Variants in RIMS2 observed in about 807,000 individuals in gnomAD.
RIMS2 encodes regulating synaptic membrane exocytosis 2, also known as regulating synaptic membrane exocytosis protein 2.
RIMS2 carries 59 observed loss-of-function variants against 174.4 expected under a neutral mutation model. That is an observed-to-expected ratio of 0.34 (90% CI 0.27 to 0.42). The LOEUF (loss-of-function observed/expected upper bound fraction) is 0.42. Ranked by LOEUF, RIMS2 falls within the 10% of genes least tolerant of loss-of-function variation. The pLI is 1.00. For missense variants in RIMS2, 1,620 were observed against 1,666.3 expected (o/e 0.97, Z 0.48); for synonymous variants, 606 against 572.5 (o/e 1.06, Z -0.84).
intron 1 of RIMS2, among the ~76,000 whole-genome samples, chr8:103,580,583 G>A (rs1439055080): frequency 1.3e-5 from 2 of 152,180 alleles, no homozygotes; most frequent in East Asian, 3.9e-4. Context: ...TCTAATGGGA[G>A]AGATAGACTG....
At chr8:103,537,968 C>T (rs1840622553) in intron 1 of RIMS2, among the ~76,000 whole-genome samples, 1 of 151,942 alleles carries the variant, frequency 6.6e-6, no homozygotes, top group African/African-American at 2.4e-5. Context: ...TCTGAATTTT[C>T]TGGCCAACAC....
intron 1 of RIMS2, among the ~76,000 whole-genome samples, chr8:103,511,416 A>G (rs980975309): frequency 1.5e-4 from 23 of 152,344 alleles, no homozygotes; most frequent in African/African-American, 5.5e-4. Context: ...GAATAAGTAA[A>G]TATTTGAATT....
At chr8:104,196,868 A>G (rs1057045564) in intron 19 of RIMS2, among the ~76,000 whole-genome samples, 1 of 152,208 alleles carries the variant, frequency 6.6e-6, no homozygotes, top group Non-Finnish European at 1.5e-5. Flanking sequence ...GCATACTTTA[A>G]AAAACATAAT....
At chr8:103,814,164 A>G (rs188981197) in intron 3 of RIMS2, among the ~76,000 whole-genome samples, 1 of 152,272 alleles carries the variant, frequency 6.6e-6, no homozygotes, top group African/African-American at 2.4e-5. Flanking sequence ...ACCAAATACT[A>G]TATGTTCTCA....
intron 3 of RIMS2, among the ~76,000 whole-genome samples, chr8:103,878,119 T>C (rs2099150077): frequency 1.3e-5 from 2 of 151,700 alleles, no homozygotes; most frequent in South Asian, 4.2e-4. Flanking sequence ...GTTTTATAAA[T>C]GGTAGTTTTT....
intron 2 of RIMS2, among the ~76,000 whole-genome samples, chr8:103,762,985 G>T (rs1446526142): frequency 6.6e-6 from 1 of 152,116 alleles, no homozygotes; most frequent in Non-Finnish European, 1.5e-5. Context: ...TCTATATATG[G>T]TCTTTTGTTG....
At chr8:104,165,375 T>C (rs1201517685) in intron 19 of RIMS2, among the ~76,000 whole-genome samples, 2 of 152,232 alleles carry the variant, frequency 1.3e-5, no homozygotes, top group Non-Finnish European at 2.9e-5. Flanking sequence ...TTTAAGTACA[T>C]TTATTATTCC....
chr8:104,199,259 T>G (rs1179300505), intron 19 of RIMS2, among the ~76,000 whole-genome samples: 1 of 151,668 alleles, frequency 6.6e-6, no homozygotes, highest in Non-Finnish European at 1.5e-5. Context: ...AGACGGGGTT[T>G]CACAGTGTTA....
chr8:103,750,581 T>C (rs991475736), intron 2 of RIMS2, among the ~76,000 whole-genome samples: 11 of 152,108 alleles, frequency 7.2e-5, no homozygotes, highest in Admixed American at 2.0e-4. Context: ...ATTTTAATAA[T>C]CCCCACGTGT....
At chr8:103,633,573 C>A (rs1039137157) in intron 1 of RIMS2, among the ~76,000 whole-genome samples, 23 of 152,192 alleles carry the variant, frequency 1.5e-4, no homozygotes, top group African/African-American at 5.1e-4. Flanking sequence ...AGGTGTCTTC[C>A]CCCCTCAGTT....
chr8:103,512,896 C>T (rs937807308), intron 1 of RIMS2, among the ~76,000 whole-genome samples: 1 of 152,100 alleles, frequency 6.6e-6, no homozygotes, highest in African/African-American at 2.4e-5. Flanking sequence ...AGACAATGAG[C>T]TTAGTCATTT....
intron 16 of RIMS2, among the ~76,000 whole-genome samples, chr8:103,980,567 G>C (rs2093812084): frequency 6.6e-6 from 1 of 152,156 alleles, no homozygotes; most frequent in South Asian, 2.1e-4. Flanking sequence ...AGGTGACTTT[G>C]TCTTGCACCT....
At chr8:103,934,469 T>A (rs1253889112) in intron 12 of RIMS2, among the ~76,000 whole-genome samples, 3 of 152,120 alleles carry the variant, frequency 2.0e-5, no homozygotes, top group Non-Finnish European at 4.4e-5. Flanking sequence ...TAAGGTTATT[T>A]TTCATAGTTC....
intron 3 of RIMS2, among the ~76,000 whole-genome samples, chr8:103,845,713 AC>A (rs1457441301): frequency 6.6e-6 from 1 of 152,114 alleles, no homozygotes; most frequent in Non-Finnish European, 1.5e-5. Flanking sequence ...CACTCTAGGA[AC>A]TTAGCTTATG....
chr8:104,203,109 A>G (rs1478869613), intron 19 of RIMS2, among the ~76,000 whole-genome samples: 3 of 152,224 alleles, frequency 2.0e-5, no homozygotes, highest in Non-Finnish European at 4.4e-5. Flanking sequence ...AGCCCCGCAA[A>G]TATAAAATGA....
In RIMS2 at chr8:103,529,044, T is replaced by G. The variant is rs187748981; in HGVS notation, c.176+27982T>G. On this transcript the variant is annotated intron_variant, in intron 1 of 23. Coordinates refer to ENST00000504942, the Ensembl canonical transcript of RIMS2. ...CATGAGCATGGAATGTTCTTCCATT[T>G]GTTTGTGTCTTCTTTTATTTCGTTG... Among the ~76,000 whole-genome samples, 139 of 152,314 alleles carry G rather than the reference T, an allele frequency of 9.1e-4. 1 individual carries two copies. Among genetic ancestry groups the G allele is most frequent in the African/African-American group, 3.0e-3 (125 of 41,570 alleles).
intron 15 of RIMS2, among the ~76,000 whole-genome samples, chr8:103,973,314 T>G (rs2093092430): frequency 6.6e-6 from 1 of 152,114 alleles, no homozygotes; most frequent in African/African-American, 2.4e-5. Flanking sequence ...CAGAGTTGTT[T>G]TGTATTACAT....
At position 103,829,437 on chromosome 8, in the gene RIMS2, G is replaced by A. The variant is rs188483248; in HGVS notation, c.699-55861G>A. On this transcript the variant is annotated intron_variant, in intron 3 of 23. Coordinates refer to ENST00000504942, the Ensembl canonical transcript of RIMS2. ...GCATATGTTAATTGCAGCACTATTC[G>A]CAATAGAAAAAGCATAGAATCAACG... is the stretch of plus-strand genomic sequence containing the variant. Among the ~76,000 whole-genome samples, 469 of 152,198 alleles carry A rather than the reference G, an allele frequency of 3.1e-3. 4 individuals are homozygous for A. Among genetic ancestry groups the A allele is most frequent in the South Asian group, 8.3e-3 (40 of 4,816 alleles).
At chr8:104,134,546 G>A (rs935475304) in intron 19 of RIMS2, among the ~76,000 whole-genome samples, 8 of 152,218 alleles carry the variant, frequency 5.3e-5, no homozygotes, top group African/African-American at 1.9e-4. Context: ...CACCCATTGA[G>A]TGCAAAGTTT....
Sources: gnomAD v4.1 joint callset for allele counts (sites outside exome capture counted in the v4.1 genomes callset) on GRCh38, gnomAD v4.1.1 for gene constraint, MANE v1.5 for transcripts, NCBI Gene and HGNC (gene_info 2026-07-23, HGNC 2026-07-21) for gene names.